Variants in BLM observed in about 807,000 individuals in gnomAD.
BLM encodes recQ-like DNA helicase BLM.
In BLM, 95 loss-of-function variants were observed where a neutral mutation model predicts 135.3. The ratio of observed to expected loss-of-function variants is 0.70; its 90% CI spans 0.59 to 0.83. BLM has a LOEUF of 0.83. Ranked by LOEUF, BLM falls within the 40% of genes least tolerant of loss-of-function variation. BLM has a pLI of 0.00. For missense variants in BLM, 1,518 were observed against 1,663.9 expected (o/e 0.91, Z 1.53); for synonymous variants, 520 against 589.2 (o/e 0.88, Z 1.70).
chr15:90,776,729 G>A lies in BLM; in HGVS notation c.2556-6093G>A, dbSNP rs139670632. Reference sequence around the variant, plus strand: ...TTTGTGTTGTTTTTTTCGTAGAGACGGAGTTTCACCATGTTGCCCAGACTG... The same window carrying A: ...TTTGTGTTGTTTTTTTCGTAGAGACAGAGTTTCACCATGTTGCCCAGACTG... On this transcript the variant is annotated intron_variant, in intron 12 of 21. Coordinates refer to ENST00000355112, the MANE Select transcript of BLM (RefSeq NM_000057.4). 2.2e-3 allele frequency among the ~76,000 whole-genome samples: 342 copies of A among 152,104 alleles called. 1 individual carries two copies. The highest frequency in any genetic ancestry group is 7.9e-3 in the African/African-American group (327 of 41,502).
intron 19 of BLM, 85 bp from the exon 20 acceptor site, chr15:90,809,052 G>A (rs1897345506): frequency 7.6e-6 from 12 of 1,572,730 alleles, no homozygotes; most frequent in Admixed American, 6.7e-5. Flanking sequence ...CTTAGCAGAC[G>A]TGTGCTGAAT....
chr15:90,751,747 G>A, intron 3 of BLM, 40 bp from the exon 4 acceptor site: 1 of 1,561,934 alleles, frequency 6.4e-7, no homozygotes, highest in South Asian at 1.1e-5. Flanking sequence ...TGTCTCATTA[G>A]TGGTTAACAA....
In BLM at chr15:90,769,239, C is replaced by G. The variant is rs764181989; in HGVS notation, c.2406+8C>G. 1 of 1,599,342 alleles carries G rather than the reference C, an allele frequency of 6.3e-7. No individual in the cohort carries two copies. The highest frequency in any genetic ancestry group is 8.6e-7 in the Non-Finnish European group (1 of 1,166,562). ...GCACATTGTGTCAGTCAGGTAAATA[C>G]TGTTTTTTATATCCGGAAATACCGA... On this transcript the variant is annotated splice_region_variant and intron_variant, in intron 11 of 21. Coordinates refer to ENST00000355112, the MANE Select transcript of BLM (RefSeq NM_000057.4).
chr15:90,815,010 A>G lies in BLM; in HGVS notation c.4077-92A>G. 1 of 1,300,998 alleles carries G rather than the reference A, an allele frequency of 7.7e-7. No individual in the cohort carries two copies. The highest frequency in any genetic ancestry group is 1.1e-6 in the Non-Finnish European group (1 of 914,144). The allele number at this position is 1,300,998 out of a possible 1,614,324, so 80.6% of individuals were successfully genotyped here. ...GCACAAGGACACATTAGGCCCAGGG[A>G]AGTGGTATTGTAGCTCTGTGCAGGT... On this transcript the variant is annotated intron_variant, in intron 21 of 21. Transcript: ENST00000355112. The surrounding 1 kb of genome is among the most constrained non-coding windows in gnomAD (Gnocchi z 4.6).
chr15:90,727,335 A>G (rs1400767326), intron 1 of BLM, among the ~76,000 whole-genome samples: 2 of 151,910 alleles, frequency 1.3e-5, no homozygotes, highest in Admixed American at 6.6e-5. Context: ...TTTGATTTGC[A>G]CTATTTTTTT....
rs1385229472 is a variant in BLM at position 90,798,180 on chromosome 15, T to G, written c.3211-10T>G. On this transcript the variant is annotated splice_polypyrimidine_tract_variant and intron_variant, in intron 16 of 21. Coordinates refer to ENST00000355112, the MANE Select transcript of BLM (RefSeq NM_000057.4). ...AATTATAGCAGAAAGTATTCTCTTT[T>G]TATTCATAGGATTATAAAACAAGAG... The G allele has an allele frequency of 6.3e-7, 1 of 1,594,804 alleles. No individual in the cohort carries two copies. The highest frequency in any genetic ancestry group is 8.6e-7 in the Non-Finnish European group (1 of 1,164,744).
At position 90,726,579 on chromosome 15, in the gene BLM, C is replaced by T. The variant is rs1387596905; in HGVS notation, c.-5+9139C>T. Among the ~76,000 whole-genome samples the T allele has an allele frequency of 3.3e-5, 5 of 152,084 alleles. No homozygotes were observed. The East Asian group carries it at 9.7e-4, about 29-fold the overall frequency. On this transcript the variant is annotated intron_variant, in intron 1 of 21. Transcript: ENST00000355112. ...CACCACACCCAGCCAATTTTGTATT[C>T]TTTAACAAATCTGCCCCTACCCTTC...
At chr15:90,790,342 G>A (rs762293503) in intron 14 of BLM, 5 of 393,518 alleles carry the variant, frequency 1.3e-5, no homozygotes, top group Non-Finnish European at 2.4e-5. Flanking sequence ...GAGAACAGTG[G>A]CAGCACATCG....
chr15:90,790,891 T>C, intron 15 of BLM, 47 bp downstream of exon 15: 1 of 1,550,094 alleles, frequency 6.5e-7, no homozygotes, highest in Non-Finnish European at 8.9e-7. Flanking sequence ...TTCAGCCTCA[T>C]GATAGTAGTC....
chr15:90,778,972 A>C (rs1171646250), intron 12 of BLM, among the ~76,000 whole-genome samples: 1 of 148,088 alleles, frequency 6.8e-6, no homozygotes, highest in Non-Finnish European at 1.5e-5. Flanking sequence ...TGCAACCTCC[A>C]CCTCCCAGGT....
chr15:90,798,367 A>G, intron 17 of BLM, 30 bp downstream of exon 17: 1 of 1,606,432 alleles, frequency 6.2e-7, no homozygotes, highest in Non-Finnish European at 8.5e-7. Flanking sequence ...TGTTTGAGTT[A>G]CTTCAATTGA....
rs186132824 is a variant in BLM at position 90,720,627 on chromosome 15, T to G, written c.-5+3187T>G. 7.2e-5 allele frequency among the ~76,000 whole-genome samples: 11 copies of G among 152,122 alleles called. No individual in the cohort carries two copies. The East Asian group carries it at 1.9e-3, about 27-fold the overall frequency. ...ACCTGACACTTGAGGAATTTTTTTTTTCTTTTCTTTTTTTTTGAGATAGGG... is the reference window on the plus strand; with the variant it reads ...ACCTGACACTTGAGGAATTTTTTTTGTCTTTTCTTTTTTTTTGAGATAGGG... On this transcript the variant is annotated intron_variant, in intron 1 of 21. Coordinates refer to ENST00000355112, the MANE Select transcript of BLM (RefSeq NM_000057.4).
chr15:90,798,296 C>G lies in BLM; in HGVS notation c.3317C>G (p.Ser1106Cys), dbSNP rs769834593. 7 of 1,612,978 alleles carry G rather than the reference C, an allele frequency of 4.3e-6. No individual in the cohort carries two copies. The highest frequency in any genetic ancestry group is 5.9e-6 in the Non-Finnish European group (7 of 1,179,448). The stretch of plus-strand genomic sequence containing the variant: ...AGAAATATAAAACATGTAGGTCCTT[C>G]TGGAAGATTTACTATGAATATGCTG... Reference protein sequence around the residue: ...GMRNIKHVGPSGRFTMNMLVD... With the variant: ...GMRNIKHVGPCGRFTMNMLVD... Residue 1106 changes from serine (S) to cysteine (C), a missense_variant, in exon 17 of 22, where the codon TCT becomes TGT. Physicochemically the swap from Ser to Cys is moderately radical, Grantham distance 112 (BLOSUM62 -1). Coordinates refer to ENST00000355112, the MANE Select transcript of BLM (RefSeq NM_000057.4).
Sources: allele counts gnomAD v4.1 joint callset (sites outside exome capture counted in the v4.1 genomes callset), GRCh38; gene constraint gnomAD v4.1.1; non-coding constraint Gnocchi (gnomAD v3.1); transcripts MANE v1.5; gene names NCBI Gene and HGNC (gene_info 2026-07-23, HGNC 2026-07-21).